CPXM2: variants seen among roughly 807,000 people sequenced by gnomAD.
The protein encoded by CPXM2 is inactive carboxypeptidase-like protein X2.
CPXM2 carries 66 observed loss-of-function variants against 86.1 expected under a neutral mutation model. That is an observed-to-expected ratio of 0.77 (90% CI 0.63 to 0.94). CPXM2 has a LOEUF of 0.94. Ranked by LOEUF, CPXM2 falls within the 40% of genes least tolerant of loss-of-function variation. The pLI, the probability that CPXM2 is intolerant of heterozygous loss-of-function variation, is 0.00. For synonymous variants in CPXM2, 388 were observed against 400.2 expected (o/e 0.97, Z 0.36); for missense variants, 948 against 1,026.3 (o/e 0.92, Z 1.04).
intron 6 of CPXM2, among the ~76,000 whole-genome samples, chr10:123,795,215 T>C (rs773141805): frequency 2.0e-5 from 3 of 152,212 alleles, no homozygotes; most frequent in Admixed American, 6.5e-5. Context: ...CTTGCAAAAC[T>C]GACAGTCTGT....
intron 2 of CPXM2, among the ~76,000 whole-genome samples, chr10:123,907,509 T>TCCCCCA (rs1945453367): frequency 6.6e-6 from 1 of 151,478 alleles, no homozygotes; most frequent in Non-Finnish European, 1.5e-5. Context: ...ACCAGCACAA[T>TCCCCCA]CCCCCACCCC....
chr10:123,794,733 C>CTGTG (rs1564772706), intron 6 of CPXM2, among the ~76,000 whole-genome samples: 3 of 116,010 alleles, frequency 2.6e-5, no homozygotes, highest in Non-Finnish European at 5.5e-5. Context: ...TTATTTAAGA[C>CTGTG]CGTGTGTGTG....
intron 2 of CPXM2, among the ~76,000 whole-genome samples, chr10:123,935,823 G>A (rs1262686740): frequency 4.6e-5 from 6 of 131,660 alleles, no homozygotes; most frequent in Admixed American, 7.5e-5. Context: ...CATCTTCATC[G>A]CCATCATCAC....
intron 6 of CPXM2, among the ~76,000 whole-genome samples, chr10:123,792,345 G>A (rs922334694): frequency 6.6e-6 from 1 of 152,226 alleles, no homozygotes; most frequent in Non-Finnish European, 1.5e-5. Flanking sequence ...TGGAGGGGCT[G>A]CTGGAAACTT....
At chr10:123,819,499 C>T (rs1847882696) in intron 4 of CPXM2, among the ~76,000 whole-genome samples, 1 of 152,162 alleles carries the variant, frequency 6.6e-6, no homozygotes, top group Non-Finnish European at 1.5e-5. Context: ...ATGAGTATTT[C>T]CTCCTTCTTT....
intron 11 of CPXM2, among the ~76,000 whole-genome samples, chr10:123,759,064 C>A (rs892410044): frequency 6.6e-6 from 1 of 152,106 alleles, no homozygotes; most frequent in Non-Finnish European, 1.5e-5. Context: ...TCTGATCAAG[C>A]CTGTGATGAA....
At chr10:123,827,793 C>T (rs1329656537) in intron 4 of CPXM2, among the ~76,000 whole-genome samples, 1 of 152,140 alleles carries the variant, frequency 6.6e-6, no homozygotes, top group Non-Finnish European at 1.5e-5. Flanking sequence ...GGAAAACCAG[C>T]CTCCCCAGTT....
intron 9 of CPXM2, 22 bp downstream of exon 9, chr10:123,768,504 T>G: frequency 1.3e-6 from 2 of 1,593,270 alleles, no homozygotes; most frequent in Non-Finnish European, 1.7e-6. Context: ...TCCTATTGGG[T>G]GAGATGGGCC....
chr10:123,859,137 C>T (rs1848801959), intron 3 of CPXM2, among the ~76,000 whole-genome samples: 2 of 152,250 alleles, frequency 1.3e-5, no homozygotes, highest in South Asian at 4.1e-4. Flanking sequence ...GCTAAACCAG[C>T]TCACAGCCTG....
At chr10:123,873,690 A>C (rs754913214) in intron 2 of CPXM2, among the ~76,000 whole-genome samples, 12 of 152,148 alleles carry the variant, frequency 7.9e-5, no homozygotes, top group Non-Finnish European at 1.8e-4. Flanking sequence ...TTAATAATAA[A>C]GATTAGTGAG....
chr10:123,856,754 G>C (rs1247689167), intron 3 of CPXM2, among the ~76,000 whole-genome samples: 1 of 152,106 alleles, frequency 6.6e-6, no homozygotes, highest in Admixed American at 6.5e-5. Flanking sequence ...ACCACGCCCG[G>C]CTAATTTTTG....
intron 2 of CPXM2, among the ~76,000 whole-genome samples, chr10:123,924,935 A>G (rs1050012610): frequency 6.6e-6 from 1 of 151,806 alleles, no homozygotes; most frequent in Non-Finnish European, 1.5e-5. Context: ...AGAACACCTT[A>G]TTGACGAGAA....
In CPXM2 at chr10:123,746,036, C is replaced by T. The variant is rs1365908021; in HGVS notation, c.*728G>A. On this transcript the variant is annotated 3_prime_UTR_variant, in exon 14 of 14. Coordinates refer to ENST00000241305, the MANE Select transcript of CPXM2 (RefSeq NM_198148.3). ...TGGCTCTCCCTACCTGGGGAACCTC[C>T]AGGGCTACTGGATCAGCAGGGACTT... is the stretch of plus-strand genomic sequence containing the variant. The T allele has an allele frequency of 1.3e-5, 2 of 152,150 alleles. No homozygotes were observed. Among genetic ancestry groups the T allele is most frequent in the African/African-American group, 2.4e-5 (1 of 41,436 alleles). 9.4% of individuals were successfully genotyped at this position (152,150 alleles called of 1,614,324 possible).
At chr10:123,829,245 AACTGGATC>A (rs1469629073) in intron 4 of CPXM2, among the ~76,000 whole-genome samples, 1 of 152,272 alleles carries the variant, frequency 6.6e-6, no homozygotes, top group Non-Finnish European at 1.5e-5. Context: ...GATGCCCAGA[AACTGGATC>A]ACTCAGACAT....
intron 4 of CPXM2, among the ~76,000 whole-genome samples, chr10:123,829,110 C>T (rs1248688048): frequency 6.6e-6 from 1 of 152,148 alleles, no homozygotes; most frequent in Non-Finnish European, 1.5e-5. Flanking sequence ...CAAATAAGCA[C>T]ATAAAAACAC....
Position 123,768,492 on chromosome 10 carries a change from TGTCCTATTGGGTGAGATG to T in CPXM2, c.1299+16_1299+33del, listed in dbSNP as rs1846545670. 3.8e-6 allele frequency: 6 copies of T among 1,572,392 alleles called. 1 individual carries two copies. Among genetic ancestry groups the T allele is most frequent in the Non-Finnish European group, 5.2e-6 (6 of 1,151,810 alleles). On this transcript the variant is annotated intron_variant, in intron 9 of 13. Coordinates refer to ENST00000241305, the MANE Select transcript of CPXM2 (RefSeq NM_198148.3). Reference sequence around the variant, plus strand: ...TCTGGAGCTGGGGCCTCGCTGCCCATGTCCTATTGGGTGAGATGGGCCAGGGCCATTACCCCTTCGTAG... The same window carrying T: ...TCTGGAGCTGGGGCCTCGCTGCCCATGGCCAGGGCCATTACCCCTTCGTAG...
intron 4 of CPXM2, among the ~76,000 whole-genome samples, chr10:123,831,745 T>C (rs1848169846): frequency 6.6e-6 from 1 of 152,034 alleles, no homozygotes; most frequent in African/African-American, 2.4e-5. Context: ...TGTTATTTCC[T>C]CCTGTCTCTT....
At chr10:123,873,968 T>C (rs1345520966) in intron 2 of CPXM2, among the ~76,000 whole-genome samples, 1 of 151,788 alleles carries the variant, frequency 6.6e-6, no homozygotes, top group Admixed American at 6.6e-5. Flanking sequence ...CAAGTGATTC[T>C]TGTGCCTCAG....
At chr10:123,849,342 G>A (rs1226466399) in intron 3 of CPXM2, among the ~76,000 whole-genome samples, 2 of 151,492 alleles carry the variant, frequency 1.3e-5, no homozygotes, top group Non-Finnish European at 2.9e-5. Flanking sequence ...TATAGGCAGT[G>A]ATGAAATCAT....
Sources: allele counts gnomAD v4.1 joint callset (sites outside exome capture counted in the v4.1 genomes callset), GRCh38; gene constraint gnomAD v4.1.1; transcripts MANE v1.5; gene names NCBI Gene and HGNC (gene_info 2026-07-23, HGNC 2026-07-21).